Variants in PDE5A observed in about 807,000 individuals in gnomAD.
PDE5A encodes cGMP-specific 3',5'-cyclic phosphodiesterase.
Under a neutral mutation model 110.2 loss-of-function variants are expected in PDE5A, and 67 were observed. The ratio of observed to expected loss-of-function variants is 0.61; its 90% CI spans 0.50 to 0.75. The LOEUF is 0.75. Ranked by LOEUF, PDE5A falls within the 30% of genes least tolerant of loss-of-function variation. PDE5A has a pLI of 0.00. For missense variants in PDE5A, 862 were observed against 1,045.1 expected (o/e 0.82, Z 2.42); for synonymous variants, 328 against 351.2 (o/e 0.93, Z 0.74).
intron 11 of PDE5A, among the ~76,000 whole-genome samples, chr4:119,529,142 T>C (rs1484029051): frequency 6.6e-6 from 1 of 151,904 alleles, no homozygotes; most frequent in East Asian, 1.9e-4. Context: ...ATGGGGGAAG[T>C]GTCTATGTAT....
chr4:119,596,447 G>C, intron 3 of PDE5A, 76 bp downstream of exon 3: 1 of 696,418 alleles, frequency 1.4e-6, no homozygotes, highest in Non-Finnish European at 2.4e-6. Context: ...TCATATATAT[G>C]CAAAGTAAAT....
At chr4:119,519,511 AG>A (rs1322238429) in intron 13 of PDE5A, 1 of 171,850 alleles carries the variant, frequency 5.8e-6, no homozygotes, top group Non-Finnish European at 1.2e-5. Flanking sequence ...CTCTGCTATC[AG>A]TTGCTGTGTC....
At chr4:119,565,798 A>G (rs570355475) in intron 4 of PDE5A, among the ~76,000 whole-genome samples, 9 of 152,078 alleles carry the variant, frequency 5.9e-5, no homozygotes, top group Non-Finnish European at 1.3e-4. Flanking sequence ...CATACTTGTT[A>G]AAAGAATATT....
At chr4:119,589,985 A>G (rs1728906760) in intron 3 of PDE5A, among the ~76,000 whole-genome samples, 1 of 152,186 alleles carries the variant, frequency 6.6e-6, no homozygotes, top group African/African-American at 2.4e-5. Flanking sequence ...CAGAGTCTCA[A>G]GAAAACACCA....
chr4:119,624,613 C>G (rs1730273805), intron 1 of PDE5A, among the ~76,000 whole-genome samples: 1 of 152,214 alleles, frequency 6.6e-6, no homozygotes, highest in Non-Finnish European at 1.5e-5. Flanking sequence ...TATTCTCGAG[C>G]TTTTGCCTGT....
intron 7 of PDE5A, among the ~76,000 whole-genome samples, chr4:119,553,998 C>T (rs894130795): frequency 4.6e-5 from 7 of 152,096 alleles, no homozygotes; most frequent in East Asian, 1.9e-4. Context: ...TTATTCTCAT[C>T]GCAAATGGGC....
chr4:119,522,415 C>G (rs528336081), intron 12 of PDE5A, among the ~76,000 whole-genome samples: 250 of 151,906 alleles, frequency 1.6e-3, no homozygotes, highest in African/African-American at 5.3e-3. Context: ...TAAGTAAGAT[C>G]TATAAACTCT....
At chr4:119,573,438 A>G (rs775396058) in intron 3 of PDE5A, among the ~76,000 whole-genome samples, 2 of 152,208 alleles carry the variant, frequency 1.3e-5, no homozygotes, top group Non-Finnish European at 2.9e-5. Flanking sequence ...ACTGGAGAGA[A>G]TGAACATCTT....
intron 5 of PDE5A, among the ~76,000 whole-genome samples, chr4:119,564,816 T>C (rs1727868517): frequency 6.6e-6 from 1 of 152,146 alleles, no homozygotes; most frequent in South Asian, 2.1e-4. Context: ...TTCATCATGG[T>C]TGTAGAACAG....
chr4:119,582,442 T>C (rs577699404), intron 3 of PDE5A, among the ~76,000 whole-genome samples: 68 of 152,348 alleles, frequency 4.5e-4, no homozygotes, highest in Non-Finnish European at 8.1e-4. Context: ...TCTCAAACCC[T>C]TCAAAGTCAT....
At chr4:119,550,328 G>A (rs1017149498) in intron 9 of PDE5A, 4 of 152,162 alleles carry the variant, frequency 2.6e-5, no homozygotes, top group Non-Finnish European at 4.4e-5. Context: ...TGTATGCCAA[G>A]AAAAGTCTGA....
At chr4:119,501,116 T>C (rs759177895) in intron 20 of PDE5A, 54 bp downstream of exon 20, 2 of 1,070,894 alleles carry the variant, frequency 1.9e-6, no homozygotes, top group Non-Finnish European at 2.9e-6. Flanking sequence ...CAATTTTAGG[T>C]TCTAATTCAC....
chr4:119,509,038 G>A (rs1725652299), intron 15 of PDE5A, among the ~76,000 whole-genome samples: 2 of 151,942 alleles, frequency 1.3e-5, no homozygotes, highest in Non-Finnish European at 2.9e-5. Context: ...ATACTGAAAT[G>A]AAAGTTTTAG....
At chr4:119,528,922 G>A (rs1327867610) in intron 11 of PDE5A, 5 of 152,026 alleles carry the variant, frequency 3.3e-5, no homozygotes, top group Non-Finnish European at 7.4e-5. Context: ...TTTCATGCTC[G>A]ATTCCATACA....
chr4:119,614,459 T>C (rs1729865588), intron 1 of PDE5A, among the ~76,000 whole-genome samples: 1 of 152,138 alleles, frequency 6.6e-6, no homozygotes, highest in Non-Finnish European at 1.5e-5. Context: ...CTAACTGAAA[T>C]TGTTGGCGGA....
At chr4:119,622,042 T>C (rs1348933761) in intron 1 of PDE5A, among the ~76,000 whole-genome samples, 1 of 151,714 alleles carries the variant, frequency 6.6e-6, no homozygotes, top group African/African-American at 2.4e-5. Context: ...GGCATGGTGG[T>C]GGGCGCCTGT....
chr4:119,523,005 G>C (rs997496967), intron 12 of PDE5A, among the ~76,000 whole-genome samples: 1 of 151,784 alleles, frequency 6.6e-6, no homozygotes, highest in Admixed American at 6.6e-5. Flanking sequence ...AACTCAATCA[G>C]TAGTGAAAAA....
intron 9 of PDE5A, among the ~76,000 whole-genome samples, chr4:119,546,031 T>C (rs1235021331): frequency 6.6e-6 from 1 of 152,166 alleles, no homozygotes; most frequent in Non-Finnish European, 1.5e-5. Flanking sequence ...TAAAAGAGGC[T>C]TCCTCATTTT....
rs535682097 is a variant in PDE5A at position 119,608,819 on chromosome 4, T to C, written c.153-1522A>G. Among the ~76,000 whole-genome samples the C allele has an allele frequency of 1.5e-3, 234 of 152,294 alleles. 1 individual carries two copies. The highest frequency in any genetic ancestry group is 3.4e-3 in the Middle Eastern group (1 of 294). ...GTTTGACAATGTACTATTTTGGAGA[T>C]AGTATAGGGATGTAGTCACTCTCCA... On this transcript the variant is annotated intron_variant, in intron 1 of 20. Coordinates refer to ENST00000354960, the MANE Select transcript of PDE5A (RefSeq NM_001083.4).
Sources: gnomAD v4.1 joint callset for allele counts (sites outside exome capture counted in the v4.1 genomes callset) on GRCh38, gnomAD v4.1.1 for gene constraint, MANE v1.5 for transcripts, NCBI Gene and HGNC (gene_info 2026-07-23, HGNC 2026-07-21) for gene names.